Variants in MPRIP observed in about 807,000 individuals in gnomAD.
MPRIP encodes myosin phosphatase Rho-interacting protein.
Under a neutral mutation model 234.9 loss-of-function variants are expected in MPRIP, and 59 were observed. That is an observed-to-expected ratio of 0.25 (90% confidence interval 0.20 to 0.31). MPRIP has a LOEUF of 0.31. Ranked by LOEUF, MPRIP falls within the 10% of genes least tolerant of loss-of-function variation. The pLI, the probability that MPRIP is intolerant of heterozygous loss-of-function variation, is 1.00. For synonymous variants in MPRIP, 1,144 were observed against 1,263.9 expected (o/e 0.91, Z 2.01); for missense variants, 2,436 against 3,071.0 (o/e 0.79, Z 4.89).
chr17:17,159,084 G>A (rs1199002287), intron 14 of MPRIP, 82 bp downstream of exon 14: 1 of 1,432,832 alleles, frequency 7.0e-7, no homozygotes, highest in East Asian at 2.5e-5. Context: ...GGCCTGAGGG[G>A]TTCATCTAGA....
At position 17,187,071 on chromosome 17, in the gene MPRIP, G is replaced by C. The variant is rs1239497313; in HGVS notation, c.*2177G>C. 3 of 152,330 alleles carry C rather than the reference G, an allele frequency of 2.0e-5. No individual in the cohort carries two copies. Among genetic ancestry groups the C allele is most frequent in the Non-Finnish European group, 2.9e-5 (2 of 68,128 alleles). The allele number at this position is 152,330 out of a possible 1,614,324, so 9.4% of individuals were successfully genotyped here. ...GGTGGACCCCACTGGCCCTTCTGCAGACAGCTCCCTGCCTTCTGCCCTCCA... is the reference window on the plus strand; with the variant it reads ...GGTGGACCCCACTGGCCCTTCTGCACACAGCTCCCTGCCTTCTGCCCTCCA... On this transcript the variant is annotated 3_prime_UTR_variant, in exon 24 of 24. Coordinates refer to ENST00000651222, the MANE Select transcript of MPRIP (RefSeq NM_001364716.4).
intron 1 of MPRIP, among the ~76,000 whole-genome samples, chr17:17,070,905 G>T (rs2089176763): frequency 6.6e-6 from 1 of 152,166 alleles, no homozygotes; most frequent in Non-Finnish European, 1.5e-5. Context: ...GTGCTTCCGT[G>T]GGGGAAGGGA....
intron 3 of MPRIP, among the ~76,000 whole-genome samples, chr17:17,097,647 TAATATGATGCTTCAGA>T (rs1157441590): frequency 6.6e-6 from 1 of 152,230 alleles, no homozygotes; most frequent in Non-Finnish European, 1.5e-5. Context: ...TTTACTTTTT[TAATATGATGCTTCAGA>T]GAACATTCCT....
At chr17:17,124,153 G>A (rs2090447747) in intron 3 of MPRIP, among the ~76,000 whole-genome samples, 2 of 152,188 alleles carry the variant, frequency 1.3e-5, no homozygotes, top group South Asian at 4.1e-4. Context: ...TACTCATTTG[G>A]TGAGGCTGAG....
At chr17:17,100,052 G>T (rs2089928126) in intron 3 of MPRIP, among the ~76,000 whole-genome samples, 1 of 152,206 alleles carries the variant, frequency 6.6e-6, no homozygotes, top group African/African-American at 2.4e-5. Flanking sequence ...TGGGTGGGGA[G>T]GCCCACCTTT....
Position 17,165,479 on chromosome 17 carries a change from A to G in MPRIP, c.3888A>G (p.Glu1296=). 1 of 1,304,302 alleles carries G rather than the reference A, an allele frequency of 7.7e-7. No individual in the cohort carries two copies. The highest frequency in any genetic ancestry group is 1.2e-5 in the South Asian group (1 of 81,036). The allele number at this position is 1,304,302 out of a possible 1,614,324, so 80.8% of individuals were successfully genotyped here. A position where few individuals can be genotyped will look rare whatever the true frequency, so the allele number is the denominator to read the frequency against. The change falls in exon 16 of 24, where the codon GAA becomes GAG. Residue 1296 remains glutamate (E), a synonymous_variant. Transcript: ENST00000651222. The part of the protein sequence containing the change: ...EDSMVPPKSV[E]VLDREGHQQG... ...GCATGGTGCCCCCAAAGTCAGTGGA[A>G]GTGCTTGACAGGGAGGGCCATCAGC...
intron 17 of MPRIP, among the ~76,000 whole-genome samples, chr17:17,172,492 G>C (rs2046161181): frequency 6.6e-6 from 1 of 152,160 alleles, no homozygotes; most frequent in South Asian, 2.1e-4. Flanking sequence ...TCCAGGGGGA[G>C]TTCATGAAGA....
chr17:17,139,633 G>A (rs2090772972), intron 7 of MPRIP, among the ~76,000 whole-genome samples: 1 of 152,226 alleles, frequency 6.6e-6, no homozygotes, highest in Non-Finnish European at 1.5e-5. Flanking sequence ...GTGGAGGGAA[G>A]TGTCTTTACA....
At chr17:17,142,351 G>A (rs777716894) in intron 7 of MPRIP, 50 of 356,962 alleles carry the variant, frequency 1.4e-4, no homozygotes, top group Non-Finnish European at 2.4e-4. Flanking sequence ...CGGGTGCCAA[G>A]CTGTGTGAAT....
intron 3 of MPRIP, among the ~76,000 whole-genome samples, chr17:17,095,443 G>A (rs1265196810): frequency 6.6e-6 from 1 of 152,176 alleles, no homozygotes; most frequent in Non-Finnish European, 1.5e-5. Flanking sequence ...CCATTACATG[G>A]AGAATGACAG....
At chr17:17,147,523 C>A in intron 11 of MPRIP, 136 bp downstream of exon 11, 2 of 807,786 alleles carry the variant, frequency 2.5e-6, no homozygotes, top group South Asian at 1.5e-5. Context: ...TGTTACCTTG[C>A]CGAAGGTATG....
chr17:17,044,297 T>A lies in MPRIP; in HGVS notation c.123+1326T>A, dbSNP rs141398833. On this transcript the variant is annotated intron_variant, in intron 1 of 23. Transcript: ENST00000651222. ...GGTGTTTTGGAGTGTAAAGGAGAAC[T>A]TGATTCCTTCTTCTCATCTGGATGC... Among the ~76,000 whole-genome samples, 7 of 152,368 alleles carry A rather than the reference T, an allele frequency of 4.6e-5. No individual in the cohort carries two copies. The East Asian group carries it at 1.3e-3, about 29-fold the overall frequency.
At position 17,186,499 on chromosome 17, in the gene MPRIP, T is replaced by C. The variant is rs2046477943; in HGVS notation, c.*1605T>C. On this transcript the variant is annotated 3_prime_UTR_variant, in exon 24 of 24. Transcript: ENST00000651222. The stretch of plus-strand genomic sequence containing the variant: ...TTTTTAAGGCTCTTAACCCACACTT[T>C]CACTCCTCTGCTACTAGTCTTCAGT... 6.6e-6 allele frequency: 1 copy of C among 152,228 alleles called. No homozygotes were observed. Among genetic ancestry groups the C allele is most frequent in the Admixed American group, 6.5e-5 (1 of 15,284 alleles). 9.4% of individuals were successfully genotyped at this position (152,228 alleles called of 1,614,324 possible).
intron 18 of MPRIP, among the ~76,000 whole-genome samples, chr17:17,173,353 A>C (rs2046185750): frequency 6.6e-6 from 1 of 152,248 alleles, no homozygotes; most frequent in South Asian, 2.1e-4. Context: ...GAGCCTTTAT[A>C]GCATAGCCGA....
At chr17:17,101,978 G>A (rs1012061268) in intron 3 of MPRIP, among the ~76,000 whole-genome samples, 1 of 152,220 alleles carries the variant, frequency 6.6e-6, no homozygotes, top group Non-Finnish European at 1.5e-5. Flanking sequence ...GGCTGAGGAA[G>A]AGGAAACGTC....
chr17:17,139,266 C>T (rs1036051591), intron 7 of MPRIP, among the ~76,000 whole-genome samples: 2 of 152,256 alleles, frequency 1.3e-5, no homozygotes, highest in Non-Finnish European at 2.9e-5. Flanking sequence ...TTCAATCAGG[C>T]TTGCACCCCT....
At chr17:17,170,556 A>G (rs2046110781) in intron 16 of MPRIP, among the ~76,000 whole-genome samples, 1 of 152,244 alleles carries the variant, frequency 6.6e-6, no homozygotes. Context: ...CCAGAGAAAA[A>G]TGCCCAGGCA....
chr17:17,142,883 C>A, intron 8 of MPRIP, 118 bp downstream of exon 8: 1 of 1,141,520 alleles, frequency 8.8e-7, no homozygotes, highest in South Asian at 1.6e-5. Context: ...GGCTTCTCTC[C>A]AACCACCTCC....
chr17:17,155,386 G>A (rs148779543), intron 13 of MPRIP, among the ~76,000 whole-genome samples: 3,780 of 152,134 alleles, frequency 0.025, 78 homozygotes, highest in Non-Finnish European at 0.034. Flanking sequence ...CCAAGTAGCT[G>A]GGATTACCCA....
Sources: gnomAD v4.1 joint callset for allele counts (sites outside exome capture counted in the v4.1 genomes callset) on GRCh38, gnomAD v4.1.1 for gene constraint, MANE v1.5 for transcripts, NCBI Gene and HGNC (gene_info 2026-07-23, HGNC 2026-07-21) for gene names.